Variants in RPL17 observed in about 807,000 individuals in gnomAD.
RPL17 encodes the protein large ribosomal subunit protein uL22.
In RPL17, 2 loss-of-function variants were observed where a neutral mutation model predicts 27.7. The ratio of observed to expected loss-of-function variants is 0.07; its 90% CI spans 0.03 to 0.23. RPL17 has a LOEUF of 0.23. Ranked by LOEUF, RPL17 falls within the 10% of genes least tolerant of loss-of-function variation. The probability of loss-of-function intolerance (pLI) is 1.00; values close to 1 mark genes in which losing one functional copy is unlikely to be tolerated. For missense variants in RPL17, 141 were observed against 238.8 expected (o/e 0.59, Z 2.70); for synonymous variants, 76 against 75.5 (o/e 1.01, Z -0.03).
rs1248631220 is a variant in RPL17 at position 49,490,896 on chromosome 18, C to T, written c.113G>A (p.Gly38Asp). ...NTRETAQAIK[G>D]MHIRKATKYL... is the part of the protein sequence containing the mutation. ...CTTCGTGGCTTTTCGTATATGCATA[C>T]CCTTGATGGCCTGAGCAGTTTCACG... Residue 38 changes from glycine to aspartate, a missense_variant, in exon 4 of 7, where the codon GGT becomes GAT. Coordinates refer to ENST00000580261, the MANE Select transcript of RPL17 (RefSeq NM_001035006.5). 6.2e-7 allele frequency: 1 copy of T among 1,613,906 alleles called. No homozygotes were observed. The highest frequency in any genetic ancestry group is 1.7e-4 in the Middle Eastern group (1 of 5,988).
intron 6 of RPL17, 48 bp from the exon 7 acceptor site, chr18:49,488,614 A>C: frequency 8.9e-7 from 1 of 1,121,704 alleles, no homozygotes; most frequent in Non-Finnish European, 1.4e-6. Context: ...ACCACAGTAC[A>C]TCTTGGAGGA....
chr18:49,491,966 T>G (rs1285848042), intron 1 of RPL17: 2 of 371,954 alleles, frequency 5.4e-6, no homozygotes, highest in Admixed American at 7.4e-5. Flanking sequence ...AGAAACCCCT[T>G]TGCTGTCAGG....
At chr18:49,489,294 T>A in intron 6 of RPL17, 65 bp downstream of exon 6, 3 of 1,551,240 alleles carry the variant, frequency 1.9e-6, no homozygotes, top group Non-Finnish European at 2.7e-6. Context: ...TGTCCTAAGA[T>A]AGTCATCACA....
Position 49,490,885 on chromosome 18 carries a change from G to T in RPL17, c.124C>A (p.Arg42=), listed in dbSNP as rs564539281. The T allele has an allele frequency of 6.2e-7, 1 of 1,613,804 alleles. No homozygotes were observed. Among genetic ancestry groups the T allele is most frequent in the African/African-American group, 1.3e-5 (1 of 74,990 alleles). The change falls in exon 4 of 7, where the codon CGA becomes AGA. Residue 42 remains arginine, a synonymous_variant. Transcript: ENST00000580261. The part of the protein sequence containing the change: ...TAQAIKGMHI[R]KATKYLKDVT... The stretch of plus-strand genomic sequence containing the variant: ...TCTTTCAGATACTTCGTGGCTTTTC[G>T]TATATGCATACCCTTGATGGCCTGA...
At chr18:49,491,145 CCAT>C in intron 3 of RPL17, 1 of 896,962 alleles carries the variant, frequency 1.1e-6, no homozygotes, top group Non-Finnish European at 1.7e-6. Flanking sequence ...CGTTTAAATT[CCAT>C]CATCATGTAA....
chr18:49,491,358 T>C, intron 3 of RPL17, 47 bp downstream of exon 3: 8 of 1,613,982 alleles, frequency 5.0e-6, no homozygotes, highest in Non-Finnish European at 6.8e-6. Context: ...CTACCTTTTT[T>C]GAGTGGAACA....
Position 49,489,499 on chromosome 18 carries a change from G to T in RPL17, c.367C>A (p.Pro123Thr). ...VIEHIQVNKA[P>T]KMRRRTYRAH... ...CTGTAGGTCCGGCGGCGCATCTTAGGTGCTTTGTTCACTTGGATATGCTCA... is the reference window on the plus strand; with the variant it reads ...CTGTAGGTCCGGCGGCGCATCTTAGTTGCTTTGTTCACTTGGATATGCTCA... The change falls in exon 6 of 7, where the codon CCT becomes ACT. Residue 123 changes from proline to threonine, a missense_variant. Coordinates refer to ENST00000580261, the MANE Select transcript of RPL17 (RefSeq NM_001035006.5). 6.2e-7 allele frequency: 1 copy of T among 1,602,074 alleles called. No homozygotes were observed. The highest frequency in any genetic ancestry group is 1.3e-5 in the African/African-American group (1 of 75,040).
At chr18:49,491,057 A>C in intron 3 of RPL17, 130 bp from the exon 4 acceptor site, 1 of 1,455,544 alleles carries the variant, frequency 6.9e-7, no homozygotes, top group Non-Finnish European at 9.3e-7. Flanking sequence ...AGGCAATTAA[A>C]AAAACTTGTG....
chr18:49,490,703 T>G, intron 4 of RPL17, 90 bp downstream of exon 4: 1 of 1,597,648 alleles, frequency 6.3e-7, no homozygotes, highest in South Asian at 1.1e-5. Context: ...CAGAAATAGG[T>G]TCATCAGCAC....
chr18:49,491,802 T>G, intron 1 of RPL17: 1 of 755,018 alleles, frequency 1.3e-6, no homozygotes, highest in Non-Finnish European at 2.4e-6. Context: ...TCCACAGAAG[T>G]AGCCACACGG....
chr18:49,491,283 GC>G, intron 3 of RPL17, 121 bp downstream of exon 3: 1 of 1,444,556 alleles, frequency 6.9e-7, no homozygotes, highest in African/African-American at 1.4e-5. Flanking sequence ...ATATAAGGTG[GC>G]TGCTCAGAAT....
At chr18:49,490,684 T>C in intron 4 of RPL17, 109 bp downstream of exon 4, 1 of 1,589,750 alleles carries the variant, frequency 6.3e-7, no homozygotes, top group South Asian at 1.1e-5. Flanking sequence ...GTCCTGTCAT[T>C]ACAGCAACCA....
At chr18:49,488,701 C>T in intron 6 of RPL17, 135 bp from the exon 7 acceptor site, 1 of 637,234 alleles carries the variant, frequency 1.6e-6, no homozygotes, top group Non-Finnish European at 2.9e-6. Context: ...TAGAAATCAA[C>T]AGAACTTAAG....
At chr18:49,488,750 G>A (rs554947928) in intron 6 of RPL17, among the ~76,000 whole-genome samples, 184 bp from the exon 7 acceptor site, 1 of 152,234 alleles carries the variant, frequency 6.6e-6, no homozygotes, top group Non-Finnish European at 1.5e-5. Flanking sequence ...AATCACTCAG[G>A]TTCTTGACTT....
chr18:49,490,671 G>C (rs2084004170), intron 4 of RPL17, 119 bp from the exon 5 acceptor site: 1 of 1,585,358 alleles, frequency 6.3e-7, no homozygotes, highest in African/African-American at 1.3e-5. Flanking sequence ...ATCAATCCAA[G>C]GTGTCCTGTC....
chr18:49,489,239 G>GA (rs36084909), intron 6 of RPL17, 120 bp downstream of exon 6: 455,284 of 1,096,522 alleles, frequency 0.42, 96,976 homozygotes, highest in African/African-American at 0.56. Context: ...TAAGACAGGT[G>GA]AAAGGGTTGC....
Position 49,488,572 on chromosome 18 carries a change from G to A in RPL17, c.508-6C>T. 3.9e-6 allele frequency: 6 copies of A among 1,527,058 alleles called. 2 individuals carry two copies. The highest frequency in any genetic ancestry group is 1.7e-4 in the Middle Eastern group (1 of 5,944). 94.6% of individuals were successfully genotyped at this position (1,527,058 alleles called of 1,614,324 possible). On this transcript the variant is annotated splice_polypyrimidine_tract_variant and splice_region_variant and intron_variant, in intron 6 of 6. Transcript: ENST00000580261. ...TTCAGTTTCTTCTGGGATATCTGGG[G>A]AAAGAAAAATGTGTTAAGTTTCTTA...
intron 5 of RPL17, 40 bp from the exon 6 acceptor site, chr18:49,489,590 T>C: frequency 1.3e-6 from 2 of 1,588,638 alleles, no homozygotes; most frequent in Non-Finnish European, 1.7e-6. Flanking sequence ...AGGAACATCC[T>C]TAATTAGTAA....
intron 3 of RPL17, chr18:49,491,166 T>C: frequency 1.1e-6 from 1 of 887,838 alleles, no homozygotes; most frequent in Admixed American, 2.1e-5. Context: ...TAATTACAAT[T>C]AAAATGCCCC....
Sources: allele counts gnomAD v4.1 joint callset (sites outside exome capture counted in the v4.1 genomes callset), GRCh38; gene constraint gnomAD v4.1.1; transcripts MANE v1.5; gene names NCBI Gene and HGNC (gene_info 2026-07-23, HGNC 2026-07-21).